RAB10: variants seen among roughly 807,000 people sequenced by gnomAD.
RAB10 encodes RAB10, member RAS oncogene family.
A neutral mutation model predicts 25.7 loss-of-function variants in RAB10; 5 were observed. The observed-to-expected ratio is 0.19, with a 90% CI of 0.10 to 0.41. The LOEUF (loss-of-function observed/expected upper bound fraction) is 0.41, where lower values mean the gene tolerates loss of function less well. Among genes scored for constraint, RAB10 ranks in the 10% least tolerant of loss-of-function variants. RAB10 has a pLI of 1.00. For synonymous variants in RAB10, 89 were observed against 86.4 expected, an observed-to-expected ratio of 1.03 and a Z score of -0.16; for missense variants, 103 against 245.8, an observed-to-expected ratio of 0.42 and a Z score of 3.89.
In RAB10 at chr2:26,133,729, T is replaced by A. The variant is rs567599169; in HGVS notation, c.520-1209T>A. 4.5e-4 allele frequency among the ~76,000 whole-genome samples: 69 copies of A among 152,104 alleles called. 2 individuals are homozygous for A. The South Asian group carries it at 0.012, about 27-fold the overall frequency. ...CACTCCGTCGCCCAGGCTGGAGTGC[T>A]GTGGCGGGATCTTGACTCACTGCAA... On this transcript the variant is annotated intron_variant, in intron 5 of 5. Coordinates refer to ENST00000264710, the MANE Select transcript of RAB10 (RefSeq NM_016131.5).
chr2:26,110,649 G>C (rs1363293908), intron 3 of RAB10, among the ~76,000 whole-genome samples: 1 of 152,026 alleles, frequency 6.6e-6, no homozygotes, highest in African/African-American at 2.4e-5. Context: ...TACTAATATA[G>C]TAAAAACCTA....
chr2:26,062,081 T>G (rs1020383811), intron 1 of RAB10, among the ~76,000 whole-genome samples: 11 of 152,178 alleles, frequency 7.2e-5, no homozygotes, highest in Middle Eastern at 3.2e-3. Flanking sequence ...TAAATTTTTT[T>G]TGTGTGTGGT....
At chr2:26,124,383 T>C (rs1206129455) in intron 3 of RAB10, among the ~76,000 whole-genome samples, 2 of 131,954 alleles carry the variant, frequency 1.5e-5, no homozygotes, top group Non-Finnish European at 3.2e-5. Flanking sequence ...CTTATTGTTG[T>C]TGTTGCTTTT....
chr2:26,056,181 G>A (rs991280136), intron 1 of RAB10, among the ~76,000 whole-genome samples: 6 of 151,982 alleles, frequency 3.9e-5, no homozygotes, highest in East Asian at 1.9e-4. Context: ...GTGAGCCACC[G>A]TGTCTGGCCT....
chr2:26,058,295 A>G (rs1472311894), intron 1 of RAB10, among the ~76,000 whole-genome samples: 1 of 152,162 alleles, frequency 6.6e-6, no homozygotes, highest in African/African-American at 2.4e-5. Context: ...GGGGGCACCT[A>G]TAATGATTCA....
intron 3 of RAB10, among the ~76,000 whole-genome samples, chr2:26,115,455 T>G (rs1439724961): frequency 6.6e-6 from 1 of 152,190 alleles, no homozygotes; most frequent in East Asian, 1.9e-4. Flanking sequence ...TGGGTGAACC[T>G]TGAAAACCTT....
chr2:26,050,481 C>T (rs72856566), intron 1 of RAB10, among the ~76,000 whole-genome samples: 281 of 152,182 alleles, frequency 1.8e-3, no homozygotes, highest in African/African-American at 6.5e-3. Flanking sequence ...TTTTATAAAT[C>T]TGTTGTTCTG....
chr2:26,042,786 TAAA>T (rs543553837), intron 1 of RAB10: 1 of 142,272 alleles, frequency 7.0e-6, no homozygotes. Flanking sequence ...AATTACTATT[TAAA>T]AAAAAAAAAC....
chr2:26,126,924 A>G (rs1045867239), intron 3 of RAB10, among the ~76,000 whole-genome samples: 4 of 152,222 alleles, frequency 2.6e-5, no homozygotes, highest in African/African-American at 7.2e-5. Flanking sequence ...TAGGGAGGAA[A>G]TAGTATTTGA....
intron 1 of RAB10, among the ~76,000 whole-genome samples, chr2:26,063,372 T>C (rs1232045900): frequency 6.6e-6 from 1 of 152,180 alleles, no homozygotes; most frequent in East Asian, 1.9e-4. Context: ...ATACCCTTCA[T>C]GTAGATTTTC....
At chr2:26,049,785 G>A (rs1328656363) in intron 1 of RAB10, among the ~76,000 whole-genome samples, 1 of 152,098 alleles carries the variant, frequency 6.6e-6, no homozygotes, top group Non-Finnish European at 1.5e-5. Flanking sequence ...ACATTACTAT[G>A]CCTGTATAAA....
rs566756741 is a variant in RAB10 at position 26,122,361 on chromosome 2, G to T, written c.328-4783G>T. ...GCATACTTGTAGGCTGGGCGCGGTG[G>T]CTCACGCCTGTAATCCCAGCACTTT... On this transcript the variant is annotated intron_variant, in intron 3 of 5. Coordinates refer to ENST00000264710, the MANE Select transcript of RAB10 (RefSeq NM_016131.5). Among the ~76,000 whole-genome samples, 27 of 152,324 alleles carry T rather than the reference G, an allele frequency of 1.8e-4. 1 individual carries two copies. The highest frequency in any genetic ancestry group is 6.2e-4 in the South Asian group (3 of 4,826).
chr2:26,131,629 C>G (rs567068176), intron 5 of RAB10, among the ~76,000 whole-genome samples: 1 of 152,112 alleles, frequency 6.6e-6, no homozygotes, highest in Non-Finnish European at 1.5e-5. Flanking sequence ...CCACCTTGTT[C>G]CCTTTAATTC....
At chr2:26,098,997 A>G (rs941028876) in intron 2 of RAB10, among the ~76,000 whole-genome samples, 6 of 152,236 alleles carry the variant, frequency 3.9e-5, no homozygotes, top group African/African-American at 1.4e-4. Flanking sequence ...CACCCGTCTC[A>G]ATGGATTGTT....
intron 1 of RAB10, among the ~76,000 whole-genome samples, chr2:26,035,921 T>G (rs1665755217): frequency 6.6e-6 from 1 of 152,240 alleles, no homozygotes; most frequent in Non-Finnish European, 1.5e-5. Context: ...ATTGGACAAG[T>G]GATTTTTTAA....
chr2:26,049,902 A>G (rs1166848800), intron 1 of RAB10, among the ~76,000 whole-genome samples: 1 of 152,118 alleles, frequency 6.6e-6, no homozygotes, highest in African/African-American at 2.4e-5. Flanking sequence ...CAACCTCTCA[A>G]AATGAATTTC....
rs558583425 is a variant in RAB10, at chr2:26,082,127, A to G, written c.128-16535A>G. 3.9e-5 allele frequency among the ~76,000 whole-genome samples: 6 copies of G among 152,304 alleles called. No individual in the cohort carries two copies. In the South Asian group the frequency reaches 1.2e-3, roughly 32 times the overall value. On this transcript the variant is annotated intron_variant, in intron 1 of 5. Transcript: ENST00000264710. Reference sequence around the variant, plus strand: ...TTTAATGTTTTATAGGATTTATAGCACTTAGCAGTAAAATGTAGAAGTGTA... The same window carrying G: ...TTTAATGTTTTATAGGATTTATAGCGCTTAGCAGTAAAATGTAGAAGTGTA...
At chr2:26,117,133 TATTTTTATTCA>T (rs1241314866) in intron 3 of RAB10, among the ~76,000 whole-genome samples, 1 of 152,200 alleles carries the variant, frequency 6.6e-6, no homozygotes, top group Non-Finnish European at 1.5e-5. Context: ...GTTAAATAGG[TATTTTTATTCA>T]ATTTTTATAT....
intron 3 of RAB10, among the ~76,000 whole-genome samples, chr2:26,113,743 TAAAAA>T (rs56063928): frequency 3.2e-5 from 4 of 125,616 alleles, no homozygotes; most frequent in Admixed American, 2.4e-4. Flanking sequence ...CAGCCAGAGC[TAAAAA>T]AAAAAAAAAA....
Sources: allele counts gnomAD v4.1 joint callset (sites outside exome capture counted in the v4.1 genomes callset), GRCh38; gene constraint gnomAD v4.1.1; transcripts MANE v1.5; gene names NCBI Gene and HGNC (gene_info 2026-07-23, HGNC 2026-07-21).